Variants in ANKH observed in about 807,000 individuals in gnomAD.
The protein encoded by ANKH is ANKH inorganic pyrophosphate transport regulator, also known as mineralization regulator ANKH.
A neutral mutation model predicts 49.0 loss-of-function variants in ANKH; 15 were observed. The observed-to-expected ratio is 0.31, with a 90% CI of 0.20 to 0.47. The LOEUF (loss-of-function observed/expected upper bound fraction) is 0.47. ANKH is among the 20% of genes least tolerant of loss of function. The pLI is 1.00. For missense variants in ANKH, 429 were observed against 652.0 expected, an observed-to-expected ratio of 0.66 and a Z score of 3.72; for synonymous variants, 273 against 260.0, an observed-to-expected ratio of 1.05 and a Z score of -0.48.
At chr5:14,734,276 T>C (rs904042014) in intron 8 of ANKH, among the ~76,000 whole-genome samples, 2 of 151,132 alleles carry the variant, frequency 1.3e-5, no homozygotes, top group Admixed American at 6.6e-5. Flanking sequence ...CTCTTTAAAT[T>C]AGCCAATCGG....
In ANKH at chr5:14,745,994, G is replaced by A. The variant is rs745777229; in HGVS notation, c.823-32C>T. 8 of 1,585,068 alleles carry A rather than the reference G, an allele frequency of 5.0e-6. 1 individual carries two copies. The highest frequency in any genetic ancestry group is 6.9e-6 in the Non-Finnish European group (8 of 1,154,550). On this transcript the variant is annotated intron_variant, in intron 6 of 11. Transcript: ENST00000284268. The surrounding 1 kb of genome is among the most constrained non-coding windows in gnomAD (Gnocchi z 4.7). ...CAGGAAGAGGTGGCAGAGTTAGCAG[G>A]GTACCAGCAGGAAGTCCTCCAGGAG...
At chr5:14,717,249 C>T (rs138958281) in intron 8 of ANKH, among the ~76,000 whole-genome samples, 32 of 152,272 alleles carry the variant, frequency 2.1e-4, no homozygotes, top group African/African-American at 7.7e-4. Flanking sequence ...CCTGAAAGTA[C>T]TTGGATGTGT....
At chr5:14,775,063 T>TC (rs1739570780) in intron 1 of ANKH, among the ~76,000 whole-genome samples, 1 of 150,802 alleles carries the variant, frequency 6.6e-6, no homozygotes, top group African/African-American at 2.4e-5. Flanking sequence ...GTCCCCTTTT[T>TC]TTTCTTTTTT....
At chr5:14,724,657 G>A in intron 8 of ANKH, 1 of 831,350 alleles carries the variant, frequency 1.2e-6, no homozygotes, top group African/African-American at 1.8e-5. Flanking sequence ...AGTGGGCCAT[G>A]CATGGTCCCC....
rs117531141 is a variant in ANKH, at chr5:14,816,671, G to A, written c.97-47480C>T. Among the ~76,000 whole-genome samples the A allele has an allele frequency of 7.1e-4, 108 of 152,258 alleles. 3 individuals are homozygous for A. In the East Asian group the frequency reaches 0.014, roughly 20 times the overall value. ...CCAAGGGTTTCAGTCGACTTTCTTG[G>A]AATGTTCATGTCAAGTACATCTGAC... On this transcript the variant is annotated intron_variant, in intron 1 of 11. Transcript: ENST00000284268.
intron 1 of ANKH, among the ~76,000 whole-genome samples, chr5:14,788,481 T>C (rs1740049859): frequency 1.3e-5 from 2 of 152,246 alleles, no homozygotes; most frequent in African/African-American, 4.8e-5. Context: ...ATCGTGTACA[T>C]TGTTCATGAA....
In ANKH at chr5:14,768,707, A is replaced by C. The variant is rs1416872742; in HGVS notation, c.313+268T>G. The C allele has an allele frequency of 1.5e-5, 8 of 543,822 alleles. 1 individual carries two copies. In the South Asian group the frequency reaches 1.7e-4, roughly 11 times the overall value. The allele number at this position is 543,822 out of a possible 1,614,324, so 33.7% of individuals were successfully genotyped here. On this transcript the variant is annotated intron_variant, in intron 2 of 11. Coordinates refer to ENST00000284268, the MANE Select transcript of ANKH (RefSeq NM_054027.6). ...CCTGCTATTTTATTGGCCTTACCAA[A>C]TGTTATTCCTAGATGTAATCGCCTA...
chr5:14,788,505 A>G (rs1740050978), intron 1 of ANKH, among the ~76,000 whole-genome samples: 1 of 152,218 alleles, frequency 6.6e-6, no homozygotes, highest in South Asian at 2.1e-4. Flanking sequence ...GCATGGTGCC[A>G]GGCAAATACA....
chr5:14,833,729 G>A (rs1054284709), intron 1 of ANKH, among the ~76,000 whole-genome samples: 2 of 152,152 alleles, frequency 1.3e-5, no homozygotes, highest in South Asian at 2.1e-4. Flanking sequence ...TGACCTGTAG[G>A]CCCTGCCTTG....
At chr5:14,850,676 G>C (rs879853846) in intron 1 of ANKH, among the ~76,000 whole-genome samples, 6 of 152,246 alleles carry the variant, frequency 3.9e-5, no homozygotes, top group Admixed American at 6.5e-5. Flanking sequence ...CCCTCTCCTG[G>C]AGCTGGCTGC....
chr5:14,733,186 C>T (rs1319020174), intron 8 of ANKH, among the ~76,000 whole-genome samples: 1 of 152,182 alleles, frequency 6.6e-6, no homozygotes, highest in Non-Finnish European at 1.5e-5. Context: ...GGTTTCGAGG[C>T]ACTGTTGTTT....
intron 1 of ANKH, among the ~76,000 whole-genome samples, chr5:14,789,539 A>G (rs1321513720): frequency 2.6e-5 from 4 of 151,890 alleles, no homozygotes; most frequent in African/African-American, 9.7e-5. Flanking sequence ...TGGCTTGGTA[A>G]CCTCTCTTTA....
intron 2 of ANKH, among the ~76,000 whole-genome samples, chr5:14,762,597 G>A (rs1409283764): frequency 6.6e-6 from 1 of 152,198 alleles, no homozygotes; most frequent in African/African-American, 2.4e-5. Flanking sequence ...ACATGATAGA[G>A]GAGTCTGATT....
At chr5:14,858,109 AATC>A (rs1735335175) in intron 1 of ANKH, among the ~76,000 whole-genome samples, 2 of 152,364 alleles carry the variant, frequency 1.3e-5, no homozygotes, top group African/African-American at 2.4e-5. Flanking sequence ...TAGGAGCATT[AATC>A]ATCACATTTT....
At chr5:14,838,658 C>T (rs1741730598) in intron 1 of ANKH, among the ~76,000 whole-genome samples, 1 of 152,166 alleles carries the variant, frequency 6.6e-6, no homozygotes, top group Admixed American at 6.5e-5. Context: ...AACACAAATA[C>T]CCAGTCCTGA....
rs552228196 is a variant in ANKH at position 14,870,748 on chromosome 5, A to G, written c.96+604T>C. 5 of 160,486 alleles carry G rather than the reference A, an allele frequency of 3.1e-5. No individual in the cohort carries two copies. The East Asian group carries it at 9.5e-4, about 30-fold the overall frequency. The allele number at this position is 160,486 out of a possible 1,614,324, so 9.9% of individuals were successfully genotyped here. ...AAACAAAAATGTGCTCCCCTTCTTT[A>G]GTGGTCCATGAAAAAAAAAAAAGAA... is the stretch of plus-strand genomic sequence containing the variant. On this transcript the variant is annotated intron_variant, in intron 1 of 11. Coordinates refer to ENST00000284268, the MANE Select transcript of ANKH (RefSeq NM_054027.6).
chr5:14,735,666 AG>A (rs1039276551), intron 8 of ANKH, among the ~76,000 whole-genome samples: 44 of 152,234 alleles, frequency 2.9e-4, no homozygotes, highest in Admixed American at 6.5e-5. Context: ...GGCTTCTGGT[AG>A]CTCCTGGGCT....
intron 1 of ANKH, among the ~76,000 whole-genome samples, chr5:14,786,077 T>C (rs1739967560): frequency 1.3e-5 from 2 of 150,406 alleles, no homozygotes; most frequent in South Asian, 4.2e-4. Context: ...AAGTATTCTG[T>C]ATCAGGGAGA....
intron 2 of ANKH, among the ~76,000 whole-genome samples, chr5:14,764,796 A>T (rs1260132394): frequency 6.6e-6 from 1 of 152,264 alleles, no homozygotes; most frequent in Non-Finnish European, 1.5e-5. Context: ...GAACTGGTCC[A>T]GAAATTATTC....
Sources: allele counts gnomAD v4.1 joint callset (sites outside exome capture counted in the v4.1 genomes callset), GRCh38; gene constraint gnomAD v4.1.1; non-coding constraint Gnocchi (gnomAD v3.1); transcripts MANE v1.5; gene names NCBI Gene and HGNC (gene_info 2026-07-23, HGNC 2026-07-21).